Variants in AP1S3 observed in about 807,000 individuals in gnomAD.
AP1S3 encodes the protein adaptor related protein complex 1 subunit sigma 3, also known as AP-1 complex subunit sigma-3.
Under a neutral mutation model 20.9 loss-of-function variants are expected in AP1S3, and 10 were observed. That is an observed-to-expected ratio of 0.48 (90% CI 0.29 to 0.81). The LOEUF (loss-of-function observed/expected upper bound fraction) is 0.81, where lower values mean the gene tolerates loss of function less well. AP1S3 is among the 30% of genes least tolerant of loss of function. The pLI is 0.08. For missense variants in AP1S3, 154 were observed against 183.8 expected (o/e 0.84, Z 0.94); for synonymous variants, 41 against 61.5 (o/e 0.67, Z 1.56).
At chr2:223,764,165 T>C (rs1690424747) in intron 4 of AP1S3, among the ~76,000 whole-genome samples, 1 of 152,042 alleles carries the variant, frequency 6.6e-6, no homozygotes, top group African/African-American at 2.4e-5. Context: ...GTGATCTGCC[T>C]GCCTCGGCCT....
At chr2:223,796,853 T>G (rs1435639398) in intron 1 of AP1S3, among the ~76,000 whole-genome samples, 2 of 152,122 alleles carry the variant, frequency 1.3e-5, no homozygotes, top group African/African-American at 4.8e-5. Context: ...TAGTAGAAAC[T>G]GGGCTTCACC....
At chr2:223,780,776 A>G (rs1690928800) in intron 1 of AP1S3, among the ~76,000 whole-genome samples, 2 of 151,792 alleles carry the variant, frequency 1.3e-5, no homozygotes, top group African/African-American at 4.8e-5. Context: ...GGTAACTACA[A>G]ATTACTTTTT....
intron 1 of AP1S3, among the ~76,000 whole-genome samples, chr2:223,831,413 C>T (rs1301945753): frequency 1.3e-5 from 2 of 152,184 alleles, no homozygotes; most frequent in African/African-American, 4.8e-5. Flanking sequence ...AGATTACAGG[C>T]GTGAGCCACC....
chr2:223,756,229 C>T lies in AP1S3; in HGVS notation c.*2486G>A, dbSNP rs913961139. Among the ~76,000 whole-genome samples the T allele has an allele frequency of 3.3e-5, 5 of 151,936 alleles. No homozygotes were observed. The highest frequency in any genetic ancestry group is 7.4e-5 in the Non-Finnish European group (5 of 67,994). ...GCGCATGCCTATAATCCCAGCTACT[C>T]GGGAGGCTGAGGCAGGAGAATCGTT... On this transcript the variant is annotated 3_prime_UTR_variant, in exon 5 of 5. Transcript: ENST00000396654.
rs75969650 is a variant in AP1S3, at chr2:223,833,392, C to A, written c.3+4056G>T. ...CGTGGGATTCCTGAAGTGCAATAGC[C>A]CTAACACTGTTTTCCAAGGTAGAGA... is the stretch of plus-strand genomic sequence containing the variant. On this transcript the variant is annotated intron_variant, in intron 1 of 4. Transcript: ENST00000396654. 6.6e-3 allele frequency among the ~76,000 whole-genome samples: 1,010 copies of A among 152,158 alleles called. 16 individuals are homozygous for A. Among genetic ancestry groups the A allele is most frequent in the African/African-American group, 0.024 (977 of 41,480 alleles).
At chr2:223,777,073 G>T (rs1025488769) in intron 2 of AP1S3, among the ~76,000 whole-genome samples, 3 of 152,202 alleles carry the variant, frequency 2.0e-5, no homozygotes, top group African/African-American at 4.8e-5. Flanking sequence ...CATCTGTCTT[G>T]TTCAATGATG....
At chr2:223,826,193 C>CA (rs1227300250) in intron 1 of AP1S3, among the ~76,000 whole-genome samples, 1 of 152,140 alleles carries the variant, frequency 6.6e-6, no homozygotes, top group African/African-American at 2.4e-5. Flanking sequence ...CTTTGAGAAT[C>CA]AGACTAGTCC....
chr2:223,836,687 C>T (rs1692402532), intron 1 of AP1S3, among the ~76,000 whole-genome samples: 1 of 152,210 alleles, frequency 6.6e-6, no homozygotes, highest in Admixed American at 6.5e-5. Context: ...CGAGACCACA[C>T]CACTGCACTT....
chr2:223,806,971 A>G (rs1479591181), intron 1 of AP1S3, among the ~76,000 whole-genome samples: 1 of 152,182 alleles, frequency 6.6e-6, no homozygotes, highest in Non-Finnish European at 1.5e-5. Context: ...AGATTGCTAG[A>G]GAAATACAAA....
intron 1 of AP1S3, among the ~76,000 whole-genome samples, chr2:223,794,907 G>A (rs1010397145): frequency 2.0e-5 from 3 of 152,120 alleles, no homozygotes; most frequent in Non-Finnish European, 4.4e-5. Context: ...CTTCTCAAAG[G>A]ACTCCAGCCA....
intron 1 of AP1S3, among the ~76,000 whole-genome samples, chr2:223,802,430 G>C (rs949457159): frequency 1.3e-5 from 2 of 151,874 alleles, no homozygotes; most frequent in Non-Finnish European, 2.9e-5. Context: ...AACCTCCCGA[G>C]TAGCTGGGAT....
At chr2:223,769,947 T>G (rs1411056909) in intron 3 of AP1S3, among the ~76,000 whole-genome samples, 2 of 152,056 alleles carry the variant, frequency 1.3e-5, no homozygotes, top group Admixed American at 1.3e-4. Flanking sequence ...GGTTTCACTG[T>G]GTTAGCCAGG....
chr2:223,804,357 T>C (rs1237249602), intron 1 of AP1S3, among the ~76,000 whole-genome samples: 2 of 152,176 alleles, frequency 1.3e-5, no homozygotes, highest in Non-Finnish European at 2.9e-5. Context: ...CAGAATTTCC[T>C]TTCTTCTAGT....
chr2:223,773,109 G>A (rs1690672140), intron 3 of AP1S3, among the ~76,000 whole-genome samples: 1 of 152,160 alleles, frequency 6.6e-6, no homozygotes, highest in Admixed American at 6.5e-5. Context: ...ACTTTAACTG[G>A]GTTTAGCATT....
intron 3 of AP1S3, chr2:223,770,093 A>G (rs1690578528): frequency 6.9e-7 from 1 of 1,458,724 alleles, no homozygotes; most frequent in South Asian, 1.4e-5. Context: ...ATGTAAAAAT[A>G]TGCATCATTT....
chr2:223,757,135 AC>A lies in AP1S3; in HGVS notation c.*1579del. On this transcript the variant is annotated 3_prime_UTR_variant, in exon 5 of 5. Coordinates refer to ENST00000396654, the MANE Select transcript of AP1S3 (RefSeq NM_001039569.2). ...CCCCTGAGTAGCTGGGATTACAGGC[AC>A]CTGCCACCATGCCCGGCTAATTTTT... 2.8e-6 allele frequency: 1 copy of A among 360,994 alleles called. No homozygotes were observed. The highest frequency in any genetic ancestry group is 3.9e-6 in the Non-Finnish European group (1 of 258,932). The allele number at this position is 360,994 out of a possible 1,614,324, so 22.4% of individuals were successfully genotyped here. A position where few individuals can be genotyped will look rare whatever the true frequency, so the allele number is the denominator to read the frequency against.
intron 1 of AP1S3, among the ~76,000 whole-genome samples, chr2:223,786,553 A>C (rs556290379): frequency 6.6e-6 from 1 of 152,152 alleles, no homozygotes; most frequent in South Asian, 2.1e-4. Flanking sequence ...CAGGAATTCA[A>C]GACTAGCCTG....
At position 223,837,582 on chromosome 2, in the gene AP1S3, T is replaced by C. The variant is rs1692439750; in HGVS notation, c.-132A>G. On this transcript the variant is annotated 5_prime_UTR_variant, in exon 1 of 5. Transcript: ENST00000396654. ...CTTAGACCATGGCTGCTTCCCACAA[T>C]GCCCTGGCACTGAAAGTGTGCAGAC... 4 of 508,636 alleles carry C rather than the reference T, an allele frequency of 7.9e-6. No homozygotes were observed. Among genetic ancestry groups the C allele is most frequent in the Non-Finnish European group, 1.2e-5 (4 of 329,222 alleles). 31.5% of individuals were successfully genotyped at this position (508,636 alleles called of 1,614,324 possible). A position where few individuals can be genotyped will look rare whatever the true frequency, so the allele number is the denominator to read the frequency against.
intron 1 of AP1S3, among the ~76,000 whole-genome samples, chr2:223,799,078 A>AAGG: frequency 6.6e-6 from 1 of 152,172 alleles, no homozygotes. Context: ...TTTCAAAATA[A>AAGG]AAAGAGAGAG....
Sources: gnomAD v4.1 joint callset for allele counts (sites outside exome capture counted in the v4.1 genomes callset) on GRCh38, gnomAD v4.1.1 for gene constraint, MANE v1.5 for transcripts, NCBI Gene and HGNC (gene_info 2026-07-23, HGNC 2026-07-21) for gene names.